The following DHX34 variants were observed in gnomAD, a reference collection of about 807,000 sequenced individuals.
DHX34 encodes DExH-box helicase 34.
Under a neutral mutation model 111.1 loss-of-function variants are expected in DHX34, and 96 were observed. That is an observed-to-expected ratio of 0.86 (90% CI 0.73 to 1.02). The LOEUF is 1.02. Among genes scored for constraint, DHX34 ranks in the 50% least tolerant of loss-of-function variants. The pLI, the probability that DHX34 is intolerant of heterozygous loss-of-function variation, is 0.00. For synonymous variants in DHX34, 688 were observed against 670.4 expected (o/e 1.03, Z -0.41); for missense variants, 1,560 against 1,579.9 (o/e 0.99, Z 0.21).
At position 47,353,098 on chromosome 19, in the gene DHX34, A is replaced by C. The variant is rs750033287; in HGVS notation, c.68A>C (p.Glu23Ala). ...CACCACCGGGCTCCCAGCGAGGAAGAGGCCTTGGAGAAATGGGACTGGAAT... is the reference window on the plus strand; with the variant it reads ...CACCACCGGGCTCCCAGCGAGGAAGCGGCCTTGGAGAAATGGGACTGGAAT... The part of the protein sequence containing the change: ...RDHHRAPSEE[E>A]ALEKWDWNCP... The change falls in exon 2 of 17, where the codon GAG (glutamate) becomes GCG (alanine). Residue 23 changes from glutamate to alanine, a missense_variant. Transcript: ENST00000328771. This position sits in a 1 kb window ranked among gnomAD's most constrained non-coding sequence, Gnocchi z 4.6. 6.2e-7 allele frequency: 1 copy of C among 1,614,146 alleles called. No homozygotes were observed. The highest frequency in any genetic ancestry group is 8.5e-7 in the Non-Finnish European group (1 of 1,180,016).
Position 47,372,666 on chromosome 19 carries a change from C to T in DHX34, c.1769-64C>T, listed in dbSNP as rs112989744. On this transcript the variant is annotated intron_variant, in intron 7 of 16. Coordinates refer to ENST00000328771, the MANE Select transcript of DHX34 (RefSeq NM_014681.6). ...CAGGCGGGAGGGCAGGCTGGGGCCC[C>T]GAGGGGTGAGGGCTGCGCCTGTCCT... 768 of 1,480,210 alleles carry T rather than the reference C, an allele frequency of 5.2e-4. 2 individuals carry two copies. The African/African-American group carries it at 9.9e-3, about 19-fold the overall frequency. The allele number at this position is 1,480,210 out of a possible 1,614,324, so 91.7% of individuals were successfully genotyped here.
At chr19:47,372,689 C>A (rs371928896) in intron 7 of DHX34, 41 bp from the exon 8 acceptor site, 18 of 1,536,592 alleles carry the variant, frequency 1.2e-5, no homozygotes, top group Non-Finnish European at 1.4e-5. Flanking sequence ...CTGCGCCTGT[C>A]CTGGCACCCA....
chr19:47,364,534 G>A (rs1318681679), intron 6 of DHX34, among the ~76,000 whole-genome samples: 2 of 152,102 alleles, frequency 1.3e-5, no homozygotes, highest in East Asian at 3.9e-4. Context: ...TTGAGGCCAG[G>A]AAGTCGAGAC....
intron 5 of DHX34, 195 bp from the exon 6 acceptor site, chr19:47,362,281 A>AAG (rs1969652828): frequency 1.2e-6 from 1 of 860,216 alleles, no homozygotes; most frequent in African/African-American, 1.8e-5. Context: ...AAAAAAAAAA[A>AAG]AAAAAAAAAG....
chr19:47,380,911 CTTTGG>C lies in DHX34; in HGVS notation c.3079_3083del (p.Phe1027GlnfsTer17). The C allele has an allele frequency of 6.2e-7, 1 of 1,613,422 alleles. No homozygotes were observed. The highest frequency in any genetic ancestry group is 8.5e-7 in the Non-Finnish European group (1 of 1,179,612). ...CAGCCACCCCCCATCTTCCTGGCCT[CTTTGG>C]CAGCTCCACCCTGTCCCCCCACCCC... On this transcript the variant is annotated frameshift_variant, in exon 15 of 17. Coordinates refer to ENST00000328771, the MANE Select transcript of DHX34 (RefSeq NM_014681.6). LOFTEE classifies it high-confidence loss of function.
At chr19:47,363,058 C>G (rs889469809) in intron 6 of DHX34, among the ~76,000 whole-genome samples, 1 of 152,140 alleles carries the variant, frequency 6.6e-6, no homozygotes, top group African/African-American at 2.4e-5. Context: ...TTAAGTGATT[C>G]TCCTGCCTCA....
At chr19:47,376,200 TC>T in intron 11 of DHX34, 103 bp downstream of exon 11, 1 of 1,477,512 alleles carries the variant, frequency 6.8e-7, no homozygotes, top group Non-Finnish European at 9.0e-7. Context: ...CAACCCTGGT[TC>T]TGTCCCCATG....
chr19:47,357,967 C>T lies in DHX34; in HGVS notation c.1119C>T (p.Tyr373=), dbSNP rs756452016. The T allele has an allele frequency of 6.2e-7, 1 of 1,614,032 alleles. No individual in the cohort carries two copies. Among genetic ancestry groups the T allele is most frequent in the Admixed American group, 1.7e-5 (1 of 60,022 alleles). The part of the protein sequence containing the change: ...LRVLESIDHK[Y]PPEERGDLLV... Reference sequence around the variant, plus strand: ...TGCTGGAGTCCATTGACCACAAGTACCCGCCTGAGGAGCGGGGTGACCTCC... The same window carrying T: ...TGCTGGAGTCCATTGACCACAAGTATCCGCCTGAGGAGCGGGGTGACCTCC... The change falls in exon 4 of 17, where the codon TAC becomes TAT. Residue 373 remains tyrosine (Y), a synonymous_variant. Coordinates refer to ENST00000328771, the MANE Select transcript of DHX34 (RefSeq NM_014681.6).
In DHX34 at chr19:47,375,679, C is replaced by G. The variant is rs564281782; in HGVS notation, c.2278C>G (p.Pro760Ala). 4 of 1,557,268 alleles carry G rather than the reference C, an allele frequency of 2.6e-6. No individual in the cohort carries two copies. Among genetic ancestry groups the G allele is most frequent in the African/African-American group, 1.4e-5 (1 of 73,576 alleles). ...CGAGGACAGGGCTGGCCCAGCCCCC[C>G]CAGGGGCCAGTGATGGCGTGGACAT... ...SDEDRAGPAP[P>A]GASDGVDIQD... Residue 760 changes from proline (P) to alanine (A), a missense_variant, in exon 10 of 17, where the codon CCA (proline) becomes GCA (alanine). Pro to Ala is a conservative substitution (Grantham distance 27). Coordinates refer to ENST00000328771, the MANE Select transcript of DHX34 (RefSeq NM_014681.6).
chr19:47,379,696 C>G lies in DHX34; in HGVS notation c.2707-14C>G, dbSNP rs777012455. On this transcript the variant is annotated splice_polypyrimidine_tract_variant and intron_variant, in intron 13 of 16. Transcript: ENST00000328771. ...CTCCCACCTACTCCCTGTCTTCTGC[C>G]CCCTCTCTTTCAGTCCCTCCTGCTT... The G allele has an allele frequency of 6.3e-7, 1 of 1,585,242 alleles. No individual in the cohort carries two copies. The highest frequency in any genetic ancestry group is 2.3e-5 in the East Asian group (1 of 44,188).
chr19:47,357,755 G>A lies in DHX34; in HGVS notation c.1018-111G>A, dbSNP rs956072212. The A allele has an allele frequency of 2.3e-6, 3 of 1,288,462 alleles. No individual in the cohort carries two copies. The Admixed American group carries it at 8.9e-5, about 38-fold the overall frequency. The allele number at this position is 1,288,462 out of a possible 1,614,324, so 79.8% of individuals were successfully genotyped here. On this transcript the variant is annotated intron_variant, in intron 3 of 16. Transcript: ENST00000328771. ...CCCACCAGCCTGGACCCGTTGCACT[G>A]TGTCTTCTCCGTTAGCCTGTGGTCT...
At chr19:47,358,901 C>T (rs1479884921) in intron 4 of DHX34, among the ~76,000 whole-genome samples, 3 of 152,206 alleles carry the variant, frequency 2.0e-5, no homozygotes, top group African/African-American at 7.2e-5. Context: ...CAGGTGTGAG[C>T]CACTGTGTCC....
intron 10 of DHX34, 64 bp downstream of exon 10, chr19:47,375,772 G>T: frequency 7.7e-6 from 12 of 1,558,680 alleles, no homozygotes; most frequent in South Asian, 1.2e-5. Context: ...CTCCTGGGGG[G>T]GTCCCAGGGG....
Position 47,381,987 on chromosome 19 carries a change from G to A in DHX34, c.3306G>A (p.Glu1102=), listed in dbSNP as rs1568410294. ...CTCCTTTTCCTCCCTTAGGGGCTGA[G>A]GAAGCTGCCCTCGAAACCCTCCAGA... ...QAPQDGPPGA[E]EAALETLQKT... Residue 1102 remains glutamate (E), a synonymous_variant, in exon 17 of 17, where the codon GAG becomes GAA. Transcript: ENST00000328771. 2 of 1,614,122 alleles carry A rather than the reference G, an allele frequency of 1.2e-6. No homozygotes were observed. The highest frequency in any genetic ancestry group is 2.7e-5 in the African/African-American group (2 of 75,048).
chr19:47,349,502 A>G (rs1292954231), intron 1 of DHX34, 150 bp downstream of exon 1: 1 of 152,342 alleles, frequency 6.6e-6, no homozygotes, highest in Non-Finnish European at 1.5e-5. Context: ...AGGGCCGGCA[A>G]ACGCGGACAG....
rs988365850 is a variant in DHX34, at chr19:47,381,523, TTC to T, written c.3298+201_3298+202del. 53 of 717,936 alleles carry T rather than the reference TTC, an allele frequency of 7.4e-5. No homozygotes were observed. In the African/African-American group the frequency reaches 8.9e-4, roughly 12 times the overall value. The allele number at this position is 717,936 out of a possible 1,614,324, so 44.5% of individuals were successfully genotyped here. On this transcript the variant is annotated intron_variant, in intron 16 of 16. Transcript: ENST00000328771. Reference sequence around the variant, plus strand: ...AGGGAGAGCCTGGAGCGCCACCTCTTTCTGTCTGCCTGTCCCCTGTGGTGTCT... The same window carrying T: ...AGGGAGAGCCTGGAGCGCCACCTCTTTGTCTGCCTGTCCCCTGTGGTGTCT...
intron 5 of DHX34, among the ~76,000 whole-genome samples, chr19:47,361,595 A>G (rs1969633014): frequency 6.6e-6 from 1 of 152,236 alleles, no homozygotes; most frequent in South Asian, 2.1e-4. Context: ...CCTGGCCAAC[A>G]TGGTGAAACC....
At chr19:47,367,895 CAAA>C (rs1226350533) in intron 7 of DHX34, among the ~76,000 whole-genome samples, 9 of 46,144 alleles carry the variant, frequency 2.0e-4, no homozygotes, top group Non-Finnish European at 4.1e-4. Flanking sequence ...GACTCCATCT[CAAA>C]AAAAAAAAAA....
In DHX34 at chr19:47,382,688, G is replaced by A. The variant is rs867881726; in HGVS notation, c.*575G>A. On this transcript the variant is annotated 3_prime_UTR_variant, in exon 17 of 17. Transcript: ENST00000328771. ...TCACTCCCGTAATAAAAAAATAAAA[G>A]AACAGGCTGAGCCGGGCATGGTTGC... 6.6e-6 allele frequency: 1 copy of A among 152,386 alleles called. No homozygotes were observed. Among genetic ancestry groups the A allele is most frequent in the African/African-American group, 2.4e-5 (1 of 41,328 alleles). The allele number at this position is 152,386 out of a possible 1,614,324, so 9.4% of individuals were successfully genotyped here. A position where few individuals can be genotyped will look rare whatever the true frequency, so the allele number is the denominator to read the frequency against.
Sources: allele counts gnomAD v4.1 joint callset (sites outside exome capture counted in the v4.1 genomes callset), GRCh38; gene constraint gnomAD v4.1.1; non-coding constraint Gnocchi (gnomAD v3.1); transcripts MANE v1.5; gene names NCBI Gene and HGNC (gene_info 2026-07-23, HGNC 2026-07-21).